The following NGEF variants were observed in gnomAD, a reference collection of about 807,000 sequenced individuals.
NGEF encodes the protein ephexin-1.
NGEF carries 31 observed loss-of-function variants against 80.9 expected under a neutral mutation model. The ratio of observed to expected loss-of-function variants is 0.38; its 90% CI spans 0.29 to 0.52. The LOEUF is 0.52. NGEF is among the 20% of genes least tolerant of loss of function. The pLI is 0.84. For synonymous variants in NGEF, 371 were observed against 370.2 expected (o/e 1.00, Z -0.03); for missense variants, 709 against 926.2 (o/e 0.77, Z 3.04).
chr2:233,001,832 T>C (rs1694985422), intron 1 of NGEF, among the ~76,000 whole-genome samples: 1 of 151,720 alleles, frequency 6.6e-6, no homozygotes, highest in Non-Finnish European at 1.5e-5. Context: ...CTGGCCAACA[T>C]GGTGAAACCC....
At chr2:232,900,038 TCACA>T (rs369647779) in intron 5 of NGEF, among the ~76,000 whole-genome samples, 22 of 102,112 alleles carry the variant, frequency 2.2e-4, no homozygotes, top group Admixed American at 6.9e-4. Context: ...TCACATTCAC[TCACA>T]CACACACGCT....
At position 232,931,486 on chromosome 2, in the gene NGEF, C is replaced by T. The variant is rs576152306; in HGVS notation, c.384-4300G>A. Among the ~76,000 whole-genome samples the T allele has an allele frequency of 6.6e-5, 10 of 152,284 alleles. No homozygotes were observed. The East Asian group carries it at 1.9e-3, about 29-fold the overall frequency. ...AGAGAAGAGTAATTTGAAGATGGAGCTGTTAAGCAAAAAGTAAGCAGAATT... is the reference window on the plus strand; with the variant it reads ...AGAGAAGAGTAATTTGAAGATGGAGTTGTTAAGCAAAAAGTAAGCAGAATT... On this transcript the variant is annotated intron_variant, in intron 3 of 14. Coordinates refer to ENST00000264051, the MANE Select transcript of NGEF (RefSeq NM_019850.3).
chr2:232,931,108 GAGGA>G (rs1357654577), intron 3 of NGEF, among the ~76,000 whole-genome samples: 4 of 152,196 alleles, frequency 2.6e-5, no homozygotes, highest in African/African-American at 9.6e-5. Flanking sequence ...AAAAGAGAGA[GAGGA>G]AGGAAGGAAG....
At chr2:232,925,734 T>C (rs1304403006) in intron 4 of NGEF, among the ~76,000 whole-genome samples, 1 of 152,162 alleles carries the variant, frequency 6.6e-6, no homozygotes, top group African/African-American at 2.4e-5. Context: ...CAGCATATGC[T>C]AAGTCAGATG....
At position 232,996,507 on chromosome 2, in the gene NGEF, G is replaced by A. The variant is rs572506590; in HGVS notation, c.-75+16561C>T. ...TAAATATAGTCTTCCCTTGGTATCC[G>A]TGGGGGGATTGGTTCCAGGACCCCC... is the stretch of plus-strand genomic sequence containing the variant. On this transcript the variant is annotated intron_variant, in intron 1 of 14. Transcript: ENST00000264051. 5.9e-5 allele frequency among the ~76,000 whole-genome samples: 9 copies of A among 152,314 alleles called. No homozygotes were observed. In the East Asian group the frequency reaches 1.3e-3, roughly 23 times the overall value.
intron 3 of NGEF, among the ~76,000 whole-genome samples, chr2:232,967,297 C>T (rs1029467602): frequency 6.6e-6 from 1 of 152,198 alleles, no homozygotes. Context: ...TCCTGTATAG[C>T]CTGCAGAGCT....
intron 9 of NGEF, among the ~76,000 whole-genome samples, chr2:232,886,477 G>C (rs2106219493): frequency 6.6e-6 from 1 of 152,356 alleles, no homozygotes; most frequent in African/African-American, 2.4e-5. Context: ...ACAGGCGTCT[G>C]TTTAGGGCGA....
chr2:232,909,305 T>TGG (rs1012647131), intron 5 of NGEF, among the ~76,000 whole-genome samples: 1 of 152,236 alleles, frequency 6.6e-6, no homozygotes, highest in Non-Finnish European at 1.5e-5. Context: ...TTTTCTCCTC[T>TGG]GGCCTAGCAG....
intron 10 of NGEF, 137 bp downstream of exon 10, chr2:232,885,141 CAG>C (rs979908827): frequency 2.5e-5 from 18 of 730,156 alleles, no homozygotes; most frequent in African/African-American, 1.8e-4. Context: ...CTGGGGAGGT[CAG>C]GGGGCAGAGG....
chr2:232,937,245 G>T (rs1324322384), intron 3 of NGEF, among the ~76,000 whole-genome samples: 1 of 152,158 alleles, frequency 6.6e-6, no homozygotes, highest in Non-Finnish European at 1.5e-5. Flanking sequence ...TGGGATTACA[G>T]GTGTGAGCCA....
intron 3 of NGEF, among the ~76,000 whole-genome samples, chr2:232,967,322 C>T (rs772718621): frequency 7.2e-5 from 11 of 152,026 alleles, no homozygotes; most frequent in African/African-American, 2.4e-4. Flanking sequence ...GCCAATCAAA[C>T]TTCTTTTCTT....
chr2:233,003,864 G>A (rs749225213), intron 1 of NGEF, among the ~76,000 whole-genome samples: 1 of 152,166 alleles, frequency 6.6e-6, no homozygotes, highest in Non-Finnish European at 1.5e-5. Flanking sequence ...ACATGTACCC[G>A]ATATTGGTGG....
Position 232,879,403 on chromosome 2 carries a change from G to A in NGEF, c.*86C>T. On this transcript the variant is annotated 3_prime_UTR_variant, in exon 15 of 15. Transcript: ENST00000264051. ...AGATCCTGCCACCTGGGGAGGTGCTGGCCTGTGCTTCCCAGAGCCCCCCCC... is the reference window on the plus strand; with the variant it reads ...AGATCCTGCCACCTGGGGAGGTGCTAGCCTGTGCTTCCCAGAGCCCCCCCC... 1 of 1,369,226 alleles carries A rather than the reference G, an allele frequency of 7.3e-7. No homozygotes were observed. The highest frequency in any genetic ancestry group is 1.0e-6 in the Non-Finnish European group (1 of 999,020). The allele number at this position is 1,369,226 out of a possible 1,614,324, so 84.8% of individuals were successfully genotyped here. A position where few individuals can be genotyped will look rare whatever the true frequency, so the allele number is the denominator to read the frequency against.
intron 5 of NGEF, chr2:232,901,299 A>C (rs1205461394): frequency 1.1e-6 from 1 of 921,156 alleles, no homozygotes; most frequent in African/African-American, 1.8e-5. Context: ...ACTCGGATCA[A>C]CCCTGCGTTC....
rs772783495 is a variant in NGEF at position 232,893,054 on chromosome 2, C to T, written c.990-4G>A. ...GTGCTCCAGCTCCAGGAGGAACCTA[C>T]GAGAGGCAGCGGCTTGAGGCGGAGG... On this transcript the variant is annotated splice_polypyrimidine_tract_variant and splice_region_variant and intron_variant, in intron 6 of 14. Transcript: ENST00000264051. 25 of 1,609,332 alleles carry T rather than the reference C, an allele frequency of 1.6e-5. No individual in the cohort carries two copies. Among genetic ancestry groups the T allele is most frequent in the African/African-American group, 6.7e-5 (5 of 74,884 alleles).
intron 9 of NGEF, among the ~76,000 whole-genome samples, chr2:232,885,724 CACCAAGGG>C (rs1245697302): frequency 6.6e-6 from 1 of 152,140 alleles, no homozygotes; most frequent in Non-Finnish European, 1.5e-5. Flanking sequence ...GCCACCCAGG[CACCAAGGG>C]ACCTAAAAAT....
At chr2:232,929,923 C>T (rs1303035684) in intron 3 of NGEF, among the ~76,000 whole-genome samples, 2 of 152,144 alleles carry the variant, frequency 1.3e-5, no homozygotes, top group Non-Finnish European at 2.9e-5. Context: ...GTGAATAAGT[C>T]TCACAAGATC....
chr2:232,983,708 C>T (rs952097564), intron 1 of NGEF, among the ~76,000 whole-genome samples: 3 of 152,162 alleles, frequency 2.0e-5, no homozygotes, highest in African/African-American at 7.2e-5. Flanking sequence ...GCCCCGGTCT[C>T]GGTCTCGTGT....
intron 1 of NGEF, among the ~76,000 whole-genome samples, chr2:233,008,729 C>T (rs1428325041): frequency 4.6e-5 from 7 of 152,110 alleles, no homozygotes; most frequent in Non-Finnish European, 8.8e-5. Context: ...TGAATTGGCA[C>T]CTCTGTTTCT....
Sources: gnomAD v4.1 joint callset for allele counts (sites outside exome capture counted in the v4.1 genomes callset) on GRCh38, gnomAD v4.1.1 for gene constraint, MANE v1.5 for transcripts, NCBI Gene and HGNC (gene_info 2026-07-23, HGNC 2026-07-21) for gene names.